FDX1: variants seen among roughly 807,000 people sequenced by gnomAD.
The protein encoded by FDX1 is ferredoxin 1, also known as adrenodoxin, mitochondrial.
In FDX1, 9 loss-of-function variants were observed where a neutral mutation model predicts 14.9. The observed-to-expected ratio is 0.60, with a 90% confidence interval of 0.36 to 1.05. The LOEUF is 1.05. Among genes scored for constraint, FDX1 ranks in the 50% least tolerant of loss-of-function variants. FDX1 has a pLI of 0.01. For missense variants in FDX1, 204 were observed against 237.2 expected, an observed-to-expected ratio of 0.86 and a Z score of 0.92; for synonymous variants, 92 against 99.4, an observed-to-expected ratio of 0.93 and a Z score of 0.44.
At chr11:110,456,310 C>T (rs1323096640) in intron 2 of FDX1, among the ~76,000 whole-genome samples, 1 of 152,098 alleles carries the variant, frequency 6.6e-6, no homozygotes, top group African/African-American at 2.4e-5. Context: ...ATGCATGTCT[C>T]AGCTTATTAA....
chr11:110,435,462 A>G (rs1194397431), intron 1 of FDX1, among the ~76,000 whole-genome samples: 1 of 152,244 alleles, frequency 6.6e-6, no homozygotes, highest in Non-Finnish European at 1.5e-5. Context: ...CCAGGTAGTC[A>G]TTGCCATTTC....
chr11:110,456,330 T>G (rs1013301168), intron 2 of FDX1, among the ~76,000 whole-genome samples: 1 of 152,106 alleles, frequency 6.6e-6, no homozygotes, highest in Non-Finnish European at 1.5e-5. Flanking sequence ...ACTTGTAAGC[T>G]CTCTATTAGG....
intron 1 of FDX1, among the ~76,000 whole-genome samples, chr11:110,432,946 A>C (rs1946340842): frequency 6.6e-6 from 1 of 152,192 alleles, no homozygotes; most frequent in Admixed American, 6.5e-5. Context: ...TTCTTAGCAA[A>C]AGGGCTTGGT....
intron 1 of FDX1, among the ~76,000 whole-genome samples, chr11:110,435,210 C>A (rs767119343): frequency 6.6e-6 from 1 of 152,092 alleles, no homozygotes; most frequent in African/African-American, 2.4e-5. Flanking sequence ...ATCACCACAC[C>A]TGGCTAATTA....
rs116245424 is a variant in FDX1, at chr11:110,454,626, T to C, written c.311-2292T>C. On this transcript the variant is annotated intron_variant, in intron 2 of 3. Coordinates refer to ENST00000260270, the MANE Select transcript of FDX1 (RefSeq NM_004109.5). ...ATGTTTACAAATAAAGTTGAATTAC[T>C]CTAAGAGTTTCTGTAACTTTGGATA... 5.5e-3 allele frequency among the ~76,000 whole-genome samples: 837 copies of C among 152,330 alleles called. 6 individuals carry two copies. The highest frequency in any genetic ancestry group is 0.019 in the African/African-American group (793 of 41,574).
chr11:110,452,027 GA>G (rs969950439), intron 2 of FDX1, among the ~76,000 whole-genome samples: 8 of 151,332 alleles, frequency 5.3e-5, no homozygotes, highest in Non-Finnish European at 1.0e-4. Context: ...ATTCATGTGG[GA>G]AAAAAAAGGT....
At chr11:110,436,001 A>G (rs761111999) in intron 2 of FDX1, 43 bp downstream of exon 2, 1 of 1,542,950 alleles carries the variant, frequency 6.5e-7, no homozygotes, top group Non-Finnish European at 8.8e-7. Context: ...TGAAACTGTT[A>G]GGTTTCAAAT....
intron 2 of FDX1, among the ~76,000 whole-genome samples, chr11:110,447,357 G>A (rs1591251238): frequency 6.6e-6 from 1 of 151,224 alleles, no homozygotes. Flanking sequence ...GGGAGGCTGA[G>A]GCAGGAGAAT....
intron 1 of FDX1, among the ~76,000 whole-genome samples, chr11:110,433,274 T>C (rs1217732258): frequency 6.6e-6 from 1 of 152,250 alleles, no homozygotes; most frequent in African/African-American, 2.4e-5. Flanking sequence ...CATACCCATA[T>C]TGCCATCTGG....
chr11:110,449,575 T>C (rs1394269433), intron 2 of FDX1, among the ~76,000 whole-genome samples: 9 of 152,206 alleles, frequency 5.9e-5, no homozygotes, highest in Admixed American at 5.9e-4. Context: ...AAATACACAA[T>C]ACATTATTAT....
intron 3 of FDX1, among the ~76,000 whole-genome samples, chr11:110,459,007 T>G (rs1378501567): frequency 6.6e-6 from 1 of 152,212 alleles, no homozygotes; most frequent in Non-Finnish European, 1.5e-5. Flanking sequence ...TATCTCCCTT[T>G]TCCCATTAAA....
intron 2 of FDX1, among the ~76,000 whole-genome samples, chr11:110,449,198 G>A (rs1194359721): frequency 6.6e-6 from 1 of 152,180 alleles, no homozygotes; most frequent in African/African-American, 2.4e-5. Flanking sequence ...TTAGGAGAAA[G>A]CACTCTGAAT....
chr11:110,463,451 C>T lies in FDX1; in HGVS notation c.*983C>T, dbSNP rs549320411. On this transcript the variant is annotated 3_prime_UTR_variant, in exon 4 of 4. Coordinates refer to ENST00000260270, the MANE Select transcript of FDX1 (RefSeq NM_004109.5). ...TTACCACGTATGTGTGGAAGACATT[C>T]GTACTCTTATCTTTACTATAAATAA... 1.1e-4 allele frequency: 16 copies of T among 152,186 alleles called. No homozygotes were observed. Among genetic ancestry groups the T allele is most frequent in the African/African-American group, 2.9e-4 (12 of 41,436 alleles). The allele number at this position is 152,186 out of a possible 1,614,324, so 9.4% of individuals were successfully genotyped here. A position where few individuals can be genotyped will look rare whatever the true frequency, so the allele number is the denominator to read the frequency against.
In FDX1 at chr11:110,445,033, T is replaced by C. The variant is rs530988216; in HGVS notation, c.310+9075T>C. On this transcript the variant is annotated intron_variant, in intron 2 of 3. Transcript: ENST00000260270. ...TTTTATAATTCTGTGAAAAATGATG[T>C]TGGTAGTTTGATAGGAATAGTGTTG... Among the ~76,000 whole-genome samples, 20 of 151,572 alleles carry C rather than the reference T, an allele frequency of 1.3e-4. No homozygotes were observed. In the South Asian group the frequency reaches 4.2e-3, roughly 31 times the overall value.
intron 2 of FDX1, among the ~76,000 whole-genome samples, chr11:110,437,191 G>A (rs760155081): frequency 2.0e-5 from 3 of 152,194 alleles, no homozygotes. Flanking sequence ...ACAGTGTTTT[G>A]CCACATTGCC....
At chr11:110,456,516 T>C (rs1448423525) in intron 2 of FDX1, among the ~76,000 whole-genome samples, 1 of 141,944 alleles carries the variant, frequency 7.0e-6, no homozygotes, top group East Asian at 2.0e-4. Flanking sequence ...ATTCTTTTTT[T>C]TTTTTTTTTT....
At chr11:110,461,280 G>C (rs1056039556) in intron 3 of FDX1, among the ~76,000 whole-genome samples, 8 of 152,046 alleles carry the variant, frequency 5.3e-5, no homozygotes, top group Non-Finnish European at 1.2e-4. Flanking sequence ...TAGATCACTT[G>C]AGCCCAGGAG....
chr11:110,443,687 G>A (rs111507256), intron 2 of FDX1, among the ~76,000 whole-genome samples: 1,921 of 152,030 alleles, frequency 0.013, 40 homozygotes, highest in African/African-American at 0.04. Context: ...CAAGTGATCC[G>A]CCTGCCTTGG....
Position 110,462,454 on chromosome 11 carries a change from G to C in FDX1, c.541G>C (p.Gly181Arg). 1 of 1,454,518 alleles carries C rather than the reference G, an allele frequency of 6.9e-7. No individual in the cohort carries two copies. The highest frequency in any genetic ancestry group is 1.1e-5 in the South Asian group (1 of 87,104). The allele number at this position is 1,454,518 out of a possible 1,614,324, so 90.1% of individuals were successfully genotyped here. A position where few individuals can be genotyped will look rare whatever the true frequency, so the allele number is the denominator to read the frequency against. The change falls in exon 4 of 4, where the codon GGC becomes CGC. Residue 181 changes from glycine to arginine, a missense_variant. Gly to Arg is a moderately radical substitution (Grantham distance 125). Coordinates refer to ENST00000260270, the MANE Select transcript of FDX1 (RefSeq NM_004109.5). ...TGATGCCAGACAATCCATTGATGTG[G>C]GCAAGACCTCCTGAACTAGAACAAA... is the stretch of plus-strand genomic sequence containing the variant. Reference protein sequence around the residue: ...VADARQSIDVGKTS With the variant: ...VADARQSIDVRKTS
Sources: gnomAD v4.1 joint callset for allele counts (sites outside exome capture counted in the v4.1 genomes callset) on GRCh38, gnomAD v4.1.1 for gene constraint, MANE v1.5 for transcripts, NCBI Gene and HGNC (gene_info 2026-07-23, HGNC 2026-07-21) for gene names.